The following THSD7B variants were observed in gnomAD, a reference collection of about 807,000 sequenced individuals.
THSD7B encodes thrombospondin type-1 domain-containing protein 7B.
THSD7B carries 138 observed loss-of-function variants against 213.6 expected under a neutral mutation model. The ratio of observed to expected loss-of-function variants is 0.65; its 90% CI spans 0.56 to 0.74. THSD7B has a LOEUF of 0.74. Ranked by LOEUF, THSD7B falls within the 30% of genes least tolerant of loss-of-function variation. The pLI is 0.00. For synonymous variants in THSD7B, 742 were observed against 687.0 expected (o/e 1.08, Z -1.25); for missense variants, 1,931 against 1,991.5 (o/e 0.97, Z 0.58).
chr2:137,402,176 C>T (rs1418809360), intron 12 of THSD7B, among the ~76,000 whole-genome samples: 2 of 152,126 alleles, frequency 1.3e-5, no homozygotes, highest in African/African-American at 2.4e-5. Context: ...TCTTGTGATA[C>T]TCATTTTAAA....
At chr2:137,219,544 A>G (rs1238256390) in intron 7 of THSD7B, among the ~76,000 whole-genome samples, 3 of 152,160 alleles carry the variant, frequency 2.0e-5, no homozygotes, top group Admixed American at 2.0e-4. Flanking sequence ...ATTCAAAGTC[A>G]AGCTTCCTAG....
chr2:137,625,095 A>C (rs990509648), intron 20 of THSD7B, among the ~76,000 whole-genome samples: 1 of 152,108 alleles, frequency 6.6e-6, no homozygotes, highest in Non-Finnish European at 1.5e-5. Context: ...TCAATGATAG[A>C]CTGGATTAAG....
chr2:137,302,987 A>T (rs1317462376), intron 12 of THSD7B, among the ~76,000 whole-genome samples: 2 of 152,130 alleles, frequency 1.3e-5, no homozygotes, highest in African/African-American at 4.8e-5. Context: ...ATAGAGACAC[A>T]CAGAGGCACT....
At chr2:137,075,216 G>T (rs1427285741) in intron 3 of THSD7B, among the ~76,000 whole-genome samples, 2 of 152,160 alleles carry the variant, frequency 1.3e-5, no homozygotes, top group Non-Finnish European at 2.9e-5. Flanking sequence ...ATCACTTTCA[G>T]GTACACCAGT....
intron 7 of THSD7B, among the ~76,000 whole-genome samples, chr2:137,189,062 G>T (rs746524326): frequency 6.6e-6 from 1 of 152,126 alleles, no homozygotes; most frequent in Non-Finnish European, 1.5e-5. Context: ...CACCATATTA[G>T]CTATTGTTTT....
chr2:136,890,801 A>C (rs1573692747), intron 2 of THSD7B, among the ~76,000 whole-genome samples: 1 of 151,264 alleles, frequency 6.6e-6, no homozygotes, highest in Non-Finnish European at 1.5e-5. Flanking sequence ...TCAGCCTCCC[A>C]AAGTGCTGGG....
intron 10 of THSD7B, among the ~76,000 whole-genome samples, chr2:137,253,194 G>A (rs1682227931): frequency 6.6e-6 from 1 of 152,042 alleles, no homozygotes; most frequent in African/African-American, 2.4e-5. Context: ...AAATGCCTTG[G>A]CTGTGATTCC....
At chr2:137,017,148 G>T (rs780084598) in intron 2 of THSD7B, among the ~76,000 whole-genome samples, 1 of 151,992 alleles carries the variant, frequency 6.6e-6, no homozygotes, top group Non-Finnish European at 1.5e-5. Flanking sequence ...TATTTTTAGA[G>T]CTTCTTGCAT....
intron 20 of THSD7B, among the ~76,000 whole-genome samples, chr2:137,630,082 C>T (rs1414538376): frequency 6.6e-6 from 1 of 152,022 alleles, no homozygotes; most frequent in Non-Finnish European, 1.5e-5. Flanking sequence ...CACCCTCTGC[C>T]TCCTGGGCTC....
chr2:137,318,786 CTTTTTTTTT>C (rs70978212), intron 12 of THSD7B, among the ~76,000 whole-genome samples: 5 of 73,684 alleles, frequency 6.8e-5, no homozygotes, highest in South Asian at 6.5e-4. Flanking sequence ...GAATGCTTAT[CTTTTTTTTT>C]TTTTTTTTTT....
At chr2:136,863,339 A>G (rs1327674215) in intron 1 of THSD7B, among the ~76,000 whole-genome samples, 2 of 152,222 alleles carry the variant, frequency 1.3e-5, no homozygotes, top group African/African-American at 4.8e-5. Context: ...AAGTTTTGAG[A>G]TGAAATACAG....
intron 2 of THSD7B, among the ~76,000 whole-genome samples, chr2:136,952,044 A>G (rs1187745714): frequency 6.6e-6 from 1 of 151,878 alleles, no homozygotes; most frequent in Non-Finnish European, 1.5e-5. Context: ...TAATTTTTGT[A>G]TTTTTAGTGG....
At chr2:137,624,226 A>G (rs1002248835) in intron 20 of THSD7B, among the ~76,000 whole-genome samples, 1 of 152,324 alleles carries the variant, frequency 6.6e-6, no homozygotes, top group South Asian at 2.1e-4. Flanking sequence ...AAGAAATGGG[A>G]AAAGGATTCC....
At chr2:137,333,308 G>A (rs537436995) in intron 12 of THSD7B, among the ~76,000 whole-genome samples, 1 of 152,234 alleles carries the variant, frequency 6.6e-6, no homozygotes, top group Admixed American at 6.5e-5. Flanking sequence ...TCTCTACTCT[G>A]CAGCCAAAAT....
At chr2:136,897,672 C>A (rs1378088326) in intron 2 of THSD7B, among the ~76,000 whole-genome samples, 2 of 152,234 alleles carry the variant, frequency 1.3e-5, no homozygotes, top group Admixed American at 1.3e-4. Context: ...TTGACCCTGG[C>A]TATGTCCTGC....
At chr2:137,359,563 T>C (rs927766328) in intron 12 of THSD7B, among the ~76,000 whole-genome samples, 1 of 152,114 alleles carries the variant, frequency 6.6e-6, no homozygotes, top group Non-Finnish European at 1.5e-5. Context: ...GGTGGTAGAA[T>C]AGAGATGACG....
At chr2:136,798,868 T>C (rs1682118963) in intron 1 of THSD7B, among the ~76,000 whole-genome samples, 1 of 152,032 alleles carries the variant, frequency 6.6e-6, no homozygotes, top group South Asian at 2.1e-4. Flanking sequence ...ACAATAGAAG[T>C]AGTTAGCAAT....
chr2:136,955,747 A>T (rs1685113123), intron 2 of THSD7B, among the ~76,000 whole-genome samples: 1 of 152,132 alleles, frequency 6.6e-6, no homozygotes, highest in African/African-American at 2.4e-5. Context: ...GAAATATAGA[A>T]ACTATATGTT....
At chr2:137,516,067 G>A (rs981310825) in intron 15 of THSD7B, among the ~76,000 whole-genome samples, 2 of 152,162 alleles carry the variant, frequency 1.3e-5, no homozygotes, top group Non-Finnish European at 2.9e-5. Flanking sequence ...AGTTGGCTAG[G>A]GCCAAGTGGC....
Sources: gnomAD v4.1 joint callset for allele counts (sites outside exome capture counted in the v4.1 genomes callset) on GRCh38, gnomAD v4.1.1 for gene constraint, MANE v1.5 for transcripts, NCBI Gene and HGNC (gene_info 2026-07-23, HGNC 2026-07-21) for gene names.